The following MYT1L variants were observed in gnomAD, a reference collection of about 807,000 sequenced individuals.
MYT1L encodes the protein myelin transcription factor 1-like protein.
A neutral mutation model predicts 126.7 loss-of-function variants in MYT1L; 12 were observed. The ratio of observed to expected loss-of-function variants is 0.09; its 90% CI spans 0.06 to 0.15. The LOEUF is 0.15. MYT1L is among the 10% of genes least tolerant of loss of function. The probability of loss-of-function intolerance (pLI) is 1.00; values close to 1 mark genes in which losing one functional copy is unlikely to be tolerated. For missense variants in MYT1L, 979 were observed against 1,585.2 expected, an observed-to-expected ratio of 0.62 and a Z score of 6.49; for synonymous variants, 541 against 604.2, an observed-to-expected ratio of 0.90 and a Z score of 1.53.
At chr2:1,858,847 A>G (rs2044231165) in intron 18 of MYT1L, among the ~76,000 whole-genome samples, 1 of 152,196 alleles carries the variant, frequency 6.6e-6, no homozygotes, top group South Asian at 2.1e-4. Context: ...TTTCCAAGCC[A>G]CCTTTTGCTA....
At chr2:1,967,342 C>G (rs959605300) in intron 8 of MYT1L, among the ~76,000 whole-genome samples, 3 of 152,160 alleles carry the variant, frequency 2.0e-5, no homozygotes, top group Admixed American at 6.5e-5. Flanking sequence ...GGGTTGCGTC[C>G]CTGGGGCAGT....
chr2:1,979,577 A>T lies in MYT1L; in HGVS notation c.56-23T>A. On this transcript the variant is annotated intron_variant, in intron 6 of 24. Transcript: ENST00000647738. The surrounding 1 kb of genome is among the most constrained non-coding windows in gnomAD (Gnocchi z 4.0). ...GAACTGCAGAGAGATGGAAATAGAT[A>T]AAAATTTACCATCTATCACAAGCGA... 1.2e-6 allele frequency: 2 copies of T among 1,612,152 alleles called. No homozygotes were observed. Among genetic ancestry groups the T allele is most frequent in the South Asian group, 2.2e-5 (2 of 91,032 alleles).
At chr2:1,825,783 A>G (rs2039225979) in intron 21 of MYT1L, 1 of 152,358 alleles carries the variant, frequency 6.6e-6, no homozygotes, top group East Asian at 1.9e-4. Context: ...ATCCTAGCGC[A>G]GTGGCTGGAT....
rs577847066 is a variant in MYT1L at position 2,023,023 on chromosome 2, G to C, written c.-157-25676C>G. Among the ~76,000 whole-genome samples the C allele has an allele frequency of 3.9e-5, 6 of 152,334 alleles. No individual in the cohort carries two copies. In the East Asian group the frequency reaches 1.2e-3, roughly 29 times the overall value. The stretch of plus-strand genomic sequence containing the variant: ...ATCTAGGAAAGAAAGCATCTTTCAT[G>C]ATACTTGTTGGGTTAGCCTGTGATA... On this transcript the variant is annotated intron_variant, in intron 4 of 24. Transcript: ENST00000647738.
chr2:1,891,808 G>C (rs549960742), intron 15 of MYT1L, among the ~76,000 whole-genome samples: 7 of 152,350 alleles, frequency 4.6e-5, no homozygotes, highest in Admixed American at 1.3e-4. Flanking sequence ...TCATCTACAA[G>C]ATCTGACCCT....
Position 2,128,140 on chromosome 2 carries a change from A to C in MYT1L, c.-304+44732T>G, listed in dbSNP as rs2081945355. On this transcript the variant is annotated intron_variant, in intron 3 of 24. Transcript: ENST00000647738. ...TCACCAGCTCTGAGATCGCTTCTAA[A>C]CCTTGAACTTCTTTTTATTTTTTTG... Among the ~76,000 whole-genome samples the C allele has an allele frequency of 3.3e-5, 5 of 152,190 alleles. No individual in the cohort carries two copies. In the South Asian group the frequency reaches 1.0e-3, roughly 32 times the overall value.
intron 2 of MYT1L, among the ~76,000 whole-genome samples, chr2:2,231,424 TTTTG>T (rs2094158362): frequency 6.6e-6 from 1 of 151,968 alleles, no homozygotes; most frequent in Admixed American, 6.6e-5. Context: ...GCAAAAATGG[TTTTG>T]TTTATTTTTT....
chr2:2,307,158 T>C (rs1279324076), intron 1 of MYT1L, among the ~76,000 whole-genome samples: 1 of 152,106 alleles, frequency 6.6e-6, no homozygotes, highest in African/African-American at 2.4e-5. Context: ...AATGCAGGGA[T>C]AGAAAGCATG....
At chr2:1,919,352 A>G (rs2053267091) in intron 10 of MYT1L, among the ~76,000 whole-genome samples, 1 of 152,166 alleles carries the variant, frequency 6.6e-6, no homozygotes, top group African/African-American at 2.4e-5. Flanking sequence ...ATACAAGCAA[A>G]CACAAAATAA....
chr2:2,002,866 C>G (rs1311150859), intron 4 of MYT1L, among the ~76,000 whole-genome samples: 1 of 152,108 alleles, frequency 6.6e-6, no homozygotes, highest in Admixed American at 6.5e-5. Flanking sequence ...TGGCATTTCC[C>G]TTGCTTGCAC....
At chr2:2,311,798 C>T (rs1005788813) in intron 1 of MYT1L, among the ~76,000 whole-genome samples, 6 of 152,160 alleles carry the variant, frequency 3.9e-5, no homozygotes, top group Admixed American at 6.5e-5. Context: ...ATTTGGCCTA[C>T]GGTGACTTGA....
chr2:2,015,548 C>G (rs556919593), intron 4 of MYT1L, among the ~76,000 whole-genome samples: 2 of 152,132 alleles, frequency 1.3e-5, no homozygotes, highest in African/African-American at 4.8e-5. Flanking sequence ...ATCAGGGCAC[C>G]TCATTAAGTA....
intron 2 of MYT1L, among the ~76,000 whole-genome samples, chr2:2,217,968 G>T (rs560219556): frequency 2.6e-5 from 4 of 152,252 alleles, no homozygotes; most frequent in Middle Eastern, 3.4e-3. Flanking sequence ...CACATGAAAA[G>T]ATGCTTAGCA....
At chr2:1,952,830 T>TC in intron 8 of MYT1L, among the ~76,000 whole-genome samples, 1 of 68,706 alleles carries the variant, frequency 1.5e-5, no homozygotes, top group African/African-American at 7.0e-5. Flanking sequence ...TCTCCCTCCC[T>TC]CCTTCCCTTA....
At chr2:1,953,667 C>G (rs906276026) in intron 8 of MYT1L, among the ~76,000 whole-genome samples, 16 of 152,164 alleles carry the variant, frequency 1.1e-4, no homozygotes, top group Admixed American at 9.8e-4. Context: ...ATTCCAAGTC[C>G]CATTGTGCGA....
At chr2:2,252,613 T>C (rs956161288) in intron 2 of MYT1L, among the ~76,000 whole-genome samples, 2 of 152,146 alleles carry the variant, frequency 1.3e-5, no homozygotes, top group Non-Finnish European at 2.9e-5. Context: ...CACAGGTGTG[T>C]GTTGCTGGTA....
At chr2:2,159,319 C>G (rs538839420) in intron 3 of MYT1L, among the ~76,000 whole-genome samples, 1 of 152,220 alleles carries the variant, frequency 6.6e-6, no homozygotes, top group Non-Finnish European at 1.5e-5. Flanking sequence ...TCTTCGGGGT[C>G]CTCAAAACTC....
At chr2:2,216,311 A>C (rs917762509) in intron 2 of MYT1L, among the ~76,000 whole-genome samples, 1 of 152,224 alleles carries the variant, frequency 6.6e-6, no homozygotes, top group Non-Finnish European at 1.5e-5. Context: ...ATACAAGTAC[A>C]TGTTTCGACC....
At chr2:2,162,372 C>G (rs2088141783) in intron 3 of MYT1L, among the ~76,000 whole-genome samples, 1 of 152,054 alleles carries the variant, frequency 6.6e-6, no homozygotes, top group African/African-American at 2.4e-5. Flanking sequence ...GGTAGTAATA[C>G]AGACAGTGCC....
Sources: gnomAD v4.1 joint callset for allele counts (sites outside exome capture counted in the v4.1 genomes callset) on GRCh38, gnomAD v4.1.1 for gene constraint, Gnocchi (gnomAD v3.1) non-coding constraint, MANE v1.5 for transcripts, NCBI Gene and HGNC (gene_info 2026-07-23, HGNC 2026-07-21) for gene names.